Variants in AHI1 observed in about 807,000 individuals in gnomAD.
The protein encoded by AHI1 is jouberin.
AHI1 carries 123 observed loss-of-function variants against 149.3 expected under a neutral mutation model. The observed-to-expected ratio is 0.82, with a 90% CI of 0.71 to 0.96. The LOEUF is 0.96. Ranked by LOEUF, AHI1 falls within the 40% of genes least tolerant of loss-of-function variation. The pLI, the probability that AHI1 is intolerant of heterozygous loss-of-function variation, is 0.00. For synonymous variants in AHI1, 475 were observed against 459.8 expected (o/e 1.03, Z -0.42); for missense variants, 1,439 against 1,422.7 (o/e 1.01, Z -0.18).
At chr6:135,314,570 CTT>C (rs1350603111) in intron 26 of AHI1, among the ~76,000 whole-genome samples, 10 of 152,248 alleles carry the variant, frequency 6.6e-5, no homozygotes, top group Non-Finnish European at 1.5e-5. Flanking sequence ...TGCCAATCCT[CTT>C]GACTGTATCC....
At chr6:135,463,083 C>T in intron 8 of AHI1, 42 bp downstream of exon 8, 2 of 1,493,570 alleles carry the variant, frequency 1.3e-6, no homozygotes. Flanking sequence ...CAAGTTATTT[C>T]TACCAACATA....
At chr6:135,409,984 T>C (rs919862273) in intron 21 of AHI1, among the ~76,000 whole-genome samples, 4 of 152,184 alleles carry the variant, frequency 2.6e-5, no homozygotes, top group Non-Finnish European at 5.9e-5. Context: ...ATAACTAACA[T>C]TTATCAGTGG....
At position 135,431,617 on chromosome 6, in the gene AHI1, C is replaced by T. The variant is rs542532725; in HGVS notation, c.2267-303G>A. On this transcript the variant is annotated intron_variant, in intron 16 of 28. Coordinates refer to ENST00000265602, the MANE Select transcript of AHI1 (RefSeq NM_001134831.2). ...GTACATGTGTATATGGCTTATATTC[C>T]AAAGCCAAATAATTTGAACCATCCG... Among the ~76,000 whole-genome samples, 3 of 152,096 alleles carry T rather than the reference C, an allele frequency of 2.0e-5. No homozygotes were observed. The South Asian group carries it at 6.2e-4, about 32-fold the overall frequency.
intron 10 of AHI1, 141 bp downstream of exon 10, chr6:135,455,593 C>T: frequency 1.7e-6 from 1 of 593,274 alleles, no homozygotes; most frequent in Non-Finnish European, 2.7e-6. Flanking sequence ...GATTCCACAG[C>T]ATTGGAAAAC....
Position 135,284,831 on chromosome 6 carries a change from G to A in AHI1, c.*814C>T, listed in dbSNP as rs545204567. On this transcript the variant is annotated 3_prime_UTR_variant, in exon 29 of 29. Coordinates refer to ENST00000265602, the MANE Select transcript of AHI1 (RefSeq NM_001134831.2). ...AGAAAGTAAATTGTTTTCTTTTAAT[G>A]TCTTTGTTACTGAGACTGTTTTGAA... The A allele has an allele frequency of 6.6e-6, 1 of 152,222 alleles. No individual in the cohort carries two copies. Among genetic ancestry groups the A allele is most frequent in the African/African-American group, 2.4e-5 (1 of 41,546 alleles). The allele number at this position is 152,222 out of a possible 1,614,324, so 9.4% of individuals were successfully genotyped here. A position where few individuals can be genotyped will look rare whatever the true frequency, so the allele number is the denominator to read the frequency against.
At position 135,448,445 on chromosome 6, in the gene AHI1, T is replaced by G. The variant is rs2128059224; in HGVS notation, c.1471A>C (p.Asn491His). ...TATAGCTGCAAGCGAAGTTTTGAGT[T>G]GATGTTTGCATTTCCATTGGCTCCC... ...LLGANGNANI[N>H]SKLRLQLYYP... is the part of the protein sequence containing the mutation. The change falls in exon 12 of 29, where the codon AAC (asparagine) becomes CAC (histidine). Residue 491 changes from asparagine (N) to histidine (H), a missense_variant. Coordinates refer to ENST00000265602, the MANE Select transcript of AHI1 (RefSeq NM_001134831.2). The G allele has an allele frequency of 1.3e-6, 2 of 1,543,032 alleles. No individual in the cohort carries two copies. The highest frequency in any genetic ancestry group is 1.8e-6 in the Non-Finnish European group (2 of 1,131,324).
chr6:135,323,457 GT>G (rs1397790787), intron 24 of AHI1, 133 bp from the exon 25 acceptor site: 1 of 852,628 alleles, frequency 1.2e-6, no homozygotes, highest in Non-Finnish European at 1.7e-6. Context: ...CTGTCTCAAG[GT>G]TTGCTAATGG....
chr6:135,384,826 C>G (rs1777339983), intron 23 of AHI1, among the ~76,000 whole-genome samples: 1 of 152,144 alleles, frequency 6.6e-6, no homozygotes, highest in Non-Finnish European at 1.5e-5. Flanking sequence ...TGGTAGCTCA[C>G]ACCTATAATC....
At chr6:135,495,539 C>T (rs1382783432) in intron 3 of AHI1, 1 of 152,202 alleles carries the variant, frequency 6.6e-6, no homozygotes, top group African/African-American at 2.4e-5. Flanking sequence ...GCATTCTCAC[C>T]TTGAAGGGCA....
intron 2 of AHI1, 84 bp downstream of exon 2, chr6:135,497,104 T>C (rs963588636): frequency 2.0e-5 from 3 of 152,196 alleles, no homozygotes; most frequent in Admixed American, 6.5e-5. Flanking sequence ...TCTTAAATGG[T>C]CTACATTTTT....
chr6:135,377,883 G>A (rs1776180913), intron 23 of AHI1, among the ~76,000 whole-genome samples: 1 of 151,916 alleles, frequency 6.6e-6, no homozygotes, highest in Non-Finnish European at 1.5e-5. Context: ...AAACATAAGA[G>A]AAAGCTAAAA....
intron 3 of AHI1, 29 bp from the exon 4 acceptor site, chr6:135,492,320 A>T: frequency 6.8e-7 from 1 of 1,466,370 alleles, no homozygotes; most frequent in Non-Finnish European, 9.0e-7. Flanking sequence ...TGTATTTGTA[A>T]TATGGAACTT....
intron 23 of AHI1, among the ~76,000 whole-genome samples, chr6:135,383,099 A>T (rs1777077851): frequency 6.7e-6 from 1 of 149,788 alleles, no homozygotes; most frequent in African/African-American, 2.4e-5. Flanking sequence ...TTATTTTGTG[A>T]ATTAAAATAT....
chr6:135,310,588 T>C lies in AHI1; in HGVS notation c.3426+7931A>G, dbSNP rs746263559. Among the ~76,000 whole-genome samples the C allele has an allele frequency of 2.0e-5, 3 of 152,348 alleles. No homozygotes were observed. The South Asian group carries it at 6.2e-4, about 32-fold the overall frequency. Reference sequence around the variant, plus strand: ...GCTCTTATTGACTCTACATGCTTAATAAAATAATGAAAATTATTAAGACAT... The same window carrying C: ...GCTCTTATTGACTCTACATGCTTAACAAAATAATGAAAATTATTAAGACAT... On this transcript the variant is annotated intron_variant, in intron 26 of 28. Coordinates refer to ENST00000265602, the MANE Select transcript of AHI1 (RefSeq NM_001134831.2).
chr6:135,496,347 A>T (rs1795960771), intron 2 of AHI1, among the ~76,000 whole-genome samples: 1 of 152,098 alleles, frequency 6.6e-6, no homozygotes. Context: ...TGAACTCCTG[A>T]CCTCAAGTGA....
At chr6:135,357,417 C>T (rs776204482) in intron 24 of AHI1, among the ~76,000 whole-genome samples, 1 of 152,092 alleles carries the variant, frequency 6.6e-6, no homozygotes. Flanking sequence ...ACAAATGTTC[C>T]AAAATTTGAA....
At chr6:135,474,013 T>G (rs1792181901) in intron 5 of AHI1, among the ~76,000 whole-genome samples, 1 of 152,196 alleles carries the variant, frequency 6.6e-6, no homozygotes. Flanking sequence ...TAATAAATTA[T>G]GTGAGATATT....
chr6:135,404,974 C>A lies in AHI1; in HGVS notation c.2965G>T (p.Val989Leu). ...VKQRLETVTEVIRSCAAKVNK... is the reference protein window; with the variant it reads ...VKQRLETVTELIRSCAAKVNK... ...ACTTTTGCAGCACAGGAACGTATCACCTCCTAAAAGAAATACAATAAAATA... is the reference window on the plus strand; with the variant it reads ...ACTTTTGCAGCACAGGAACGTATCAACTCCTAAAAGAAATACAATAAAATA... Residue 989 changes from valine (V) to leucine (L), a missense_variant, in exon 22 of 29, where the codon GTG becomes TTG. Coordinates refer to ENST00000265602, the MANE Select transcript of AHI1 (RefSeq NM_001134831.2). 2 of 1,606,460 alleles carry A rather than the reference C, an allele frequency of 1.2e-6. No homozygotes were observed. Among genetic ancestry groups the A allele is most frequent in the Middle Eastern group, 1.7e-4 (1 of 5,968 alleles).
At chr6:135,295,055 T>C (rs1311446543) in intron 27 of AHI1, among the ~76,000 whole-genome samples, 2 of 152,198 alleles carry the variant, frequency 1.3e-5, no homozygotes, top group South Asian at 2.1e-4. Flanking sequence ...ATTTAGAATA[T>C]ATAAATGACT....
Sources: gnomAD v4.1 joint callset for allele counts (sites outside exome capture counted in the v4.1 genomes callset) on GRCh38, gnomAD v4.1.1 for gene constraint, MANE v1.5 for transcripts, NCBI Gene and HGNC (gene_info 2026-07-23, HGNC 2026-07-21) for gene names.